Variants in NFATC1 observed in about 807,000 individuals in gnomAD.
NFATC1 encodes the protein nuclear factor of activated T cells 1, also known as nuclear factor of activated T-cells, cytoplasmic 1.
A neutral mutation model predicts 76.0 loss-of-function variants in NFATC1; 22 were observed. That is an observed-to-expected ratio of 0.29 (90% CI 0.21 to 0.41). The LOEUF is 0.41. Ranked by LOEUF, NFATC1 falls within the 10% of genes least tolerant of loss-of-function variation. The probability of loss-of-function intolerance (pLI) is 1.00; values close to 1 mark genes in which losing one functional copy is unlikely to be tolerated. For missense variants in NFATC1, 1,357 were observed against 1,337.7 expected, an observed-to-expected ratio of 1.01 and a Z score of -0.23; for synonymous variants, 704 against 613.1, an observed-to-expected ratio of 1.15 and a Z score of -2.19.
chr18:79,467,606 A>G (rs1380757839), intron 8 of NFATC1, 24 bp downstream of exon 8: 8 of 1,612,968 alleles, frequency 5.0e-6, no homozygotes, highest in Non-Finnish European at 6.8e-6. Flanking sequence ...TCTAACCGTA[A>G]GCCGTGAACA....
At chr18:79,452,707 G>T (rs1396354393) in intron 6 of NFATC1, among the ~76,000 whole-genome samples, 5 of 152,218 alleles carry the variant, frequency 3.3e-5, no homozygotes, top group African/African-American at 4.8e-5. Flanking sequence ...GGGGGTTCAG[G>T]CAGAGTGGGC....
intron 9 of NFATC1, among the ~76,000 whole-genome samples, chr18:79,487,334 C>T (rs955710442): frequency 7.9e-5 from 12 of 152,178 alleles, no homozygotes; most frequent in African/African-American, 2.4e-4. Flanking sequence ...TCGTGGGTGC[C>T]GCCTGAGTCC....
intron 2 of NFATC1, among the ~76,000 whole-genome samples, chr18:79,427,982 A>T (rs1429524596): frequency 7.8e-6 from 1 of 127,638 alleles, no homozygotes; most frequent in East Asian, 2.6e-4. Context: ...GGGGTGCTGG[A>T]CGGCTGGCCT....
At chr18:79,472,311 C>T (rs1190756178) in intron 8 of NFATC1, among the ~76,000 whole-genome samples, 4 of 152,314 alleles carry the variant, frequency 2.6e-5, no homozygotes, top group Admixed American at 2.6e-4. Context: ...CCTCAGTAAG[C>T]TCAGCTGGGG....
intron 2 of NFATC1, among the ~76,000 whole-genome samples, chr18:79,415,408 A>G (rs899033952): frequency 1.3e-5 from 2 of 152,008 alleles, no homozygotes; most frequent in African/African-American, 4.8e-5. Context: ...TCAGCCTCCC[A>G]AGTAGCTGGG....
chr18:79,500,536 A>G (rs1193210268), intron 9 of NFATC1, among the ~76,000 whole-genome samples: 5 of 152,156 alleles, frequency 3.3e-5, no homozygotes, highest in Admixed American at 1.3e-4. Flanking sequence ...AATGCTGAGG[A>G]TGAGAAGAAA....
intron 9 of NFATC1, among the ~76,000 whole-genome samples, chr18:79,521,158 GGA>G (rs2090545477): frequency 1.0e-5 from 1 of 99,896 alleles, no homozygotes; most frequent in Non-Finnish European, 2.0e-5. Context: ...GTGTAGGGGG[GGA>G]GCATCCACTG....
chr18:79,526,967 C>A (rs140347026), intron 9 of NFATC1, among the ~76,000 whole-genome samples: 3,376 of 152,310 alleles, frequency 0.022, 75 homozygotes, highest in Admixed American at 0.047. Flanking sequence ...CCCATCAGGG[C>A]GGCCACAGCA....
chr18:79,516,552 C>T (rs554477085), intron 9 of NFATC1, among the ~76,000 whole-genome samples: 18 of 152,284 alleles, frequency 1.2e-4, no homozygotes, highest in African/African-American at 1.9e-4. Context: ...AGCCGAGCGC[C>T]GGGCGCCCAG....
intron 1 of NFATC1, chr18:79,402,274 T>C (rs775843381): frequency 1.4e-4 from 137 of 953,442 alleles, no homozygotes; most frequent in African/African-American, 5.3e-4. Flanking sequence ...CGCCACAGTT[T>C]ATACACCATT....
At chr18:79,503,965 T>C (rs2090068772) in intron 9 of NFATC1, among the ~76,000 whole-genome samples, 1 of 152,206 alleles carries the variant, frequency 6.6e-6, no homozygotes, top group South Asian at 2.1e-4. Context: ...TTTCTGCAGC[T>C]TCCTCATCTC....
intron 2 of NFATC1, among the ~76,000 whole-genome samples, chr18:79,433,039 C>T (rs1191316516): frequency 1.3e-5 from 2 of 152,230 alleles, no homozygotes; most frequent in South Asian, 2.1e-4. Flanking sequence ...CCTCCATGGA[C>T]GCCGTGTCCC....
rs529762405 is a variant in NFATC1, at chr18:79,447,538, G to A, written c.1387-1244G>A. 2.9e-4 allele frequency among the ~76,000 whole-genome samples: 44 copies of A among 152,338 alleles called. 1 individual carries two copies. In the South Asian group the frequency reaches 4.8e-3, roughly 16 times the overall value. On this transcript the variant is annotated intron_variant, in intron 3 of 9. Transcript: ENST00000427363. Reference sequence around the variant, plus strand: ...GGATGAGTGGTTCCCGGGGCTGGGCGTTGCCACGGGCCTTGCATGGATTTT... The same window carrying A: ...GGATGAGTGGTTCCCGGGGCTGGGCATTGCCACGGGCCTTGCATGGATTTT...
At chr18:79,522,042 G>A (rs2090610405) in intron 9 of NFATC1, among the ~76,000 whole-genome samples, 1 of 110,018 alleles carries the variant, frequency 9.1e-6, no homozygotes, top group South Asian at 3.9e-4. Context: ...TGTGTGTTTT[G>A]TGTGTGGGGA....
chr18:79,448,623 G>A (rs991827533), intron 3 of NFATC1, 159 bp from the exon 4 acceptor site: 30 of 710,788 alleles, frequency 4.2e-5, no homozygotes, highest in Non-Finnish European at 6.8e-5. Flanking sequence ...TTTCTAATCT[G>A]ATTTACAAAG....
intron 2 of NFATC1, among the ~76,000 whole-genome samples, chr18:79,418,318 C>T (rs1181189438): frequency 6.6e-6 from 1 of 152,168 alleles, no homozygotes; most frequent in Non-Finnish European, 1.5e-5. Context: ...GGCCATTTGT[C>T]CAGGGTGGCC....
intron 7 of NFATC1, among the ~76,000 whole-genome samples, chr18:79,463,952 A>T (rs1184129621): frequency 6.6e-6 from 1 of 152,248 alleles, no homozygotes; most frequent in East Asian, 1.9e-4. Context: ...AGCCAAGCTG[A>T]CATCCACATT....
Position 79,486,306 on chromosome 18 carries a change from G to A in NFATC1, c.2151G>A (p.Pro717=), listed in dbSNP as rs557662106. ...ATGAGCCTGCTCCAACCTGTGGACC[G>A]GTGAGCCAGGGGTTAAGTCCTCTCC... ...DDYEPAPTCG[P]VSQGLSPLPR... Residue 717 remains proline (P), a synonymous_variant, in exon 9 of 10, where the codon CCG becomes CCA. Coordinates refer to ENST00000427363, the MANE Select transcript of NFATC1 (RefSeq NM_001278669.2). 30 of 1,613,068 alleles carry A rather than the reference G, an allele frequency of 1.9e-5. No individual in the cohort carries two copies. In the Admixed American group the frequency reaches 2.7e-4, roughly 14 times the overall value.
chr18:79,453,328 C>T (rs2087553865), intron 6 of NFATC1, among the ~76,000 whole-genome samples: 1 of 152,192 alleles, frequency 6.6e-6, no homozygotes. Flanking sequence ...GCAGAGCCTC[C>T]CCCCGAATGC....
Sources: gnomAD v4.1 joint callset for allele counts (sites outside exome capture counted in the v4.1 genomes callset) on GRCh38, gnomAD v4.1.1 for gene constraint, MANE v1.5 for transcripts, NCBI Gene and HGNC (gene_info 2026-07-23, HGNC 2026-07-21) for gene names.